Variants in IQCM observed in about 807,000 individuals in gnomAD.
IQCM encodes the protein IQ motif containing M.
In IQCM, 45 loss-of-function variants were observed where a neutral mutation model predicts 57.6. The observed-to-expected ratio is 0.78, with a 90% CI of 0.62 to 1.00. IQCM has a LOEUF of 1.00. Ranked by LOEUF, IQCM falls within the 50% of genes least tolerant of loss-of-function variation. The pLI is 0.00. For synonymous variants in IQCM, 148 were observed against 158.9 expected (o/e 0.93, Z 0.51); for missense variants, 468 against 511.6 (o/e 0.91, Z 0.82).
chr4:149,412,633 C>T (rs1733472446), intron 13 of IQCM, among the ~76,000 whole-genome samples: 1 of 152,140 alleles, frequency 6.6e-6, no homozygotes, highest in Non-Finnish European at 1.5e-5. Context: ...TCCCACCTTC[C>T]ATAGTTCAGT....
intron 5 of IQCM, among the ~76,000 whole-genome samples, chr4:149,688,102 C>G (rs1762680071): frequency 6.6e-6 from 1 of 151,840 alleles, no homozygotes; most frequent in Non-Finnish European, 1.5e-5. Flanking sequence ...CTAGCCAGAG[C>G]AATCAGACAA....
chr4:149,517,175 T>C (rs1474355574), intron 12 of IQCM, among the ~76,000 whole-genome samples: 1 of 135,868 alleles, frequency 7.4e-6, no homozygotes, highest in African/African-American at 2.7e-5. Context: ...GTAAAGGGAA[T>C]ACAGAATGGG....
At chr4:149,368,170 T>C (rs1032689823) in intron 13 of IQCM, among the ~76,000 whole-genome samples, 11 of 152,046 alleles carry the variant, frequency 7.2e-5, no homozygotes, top group African/African-American at 2.7e-4. Flanking sequence ...ACCTTTCCTG[T>C]TCCTAAATTG....
chr4:149,653,935 A>C (rs1759416956), intron 7 of IQCM, among the ~76,000 whole-genome samples: 1 of 152,180 alleles, frequency 6.6e-6, no homozygotes, highest in Admixed American at 6.6e-5. Context: ...TATAAAATCT[A>C]ATAAAAGTGG....
At position 149,553,233 on chromosome 4, in the gene IQCM, T is replaced by TC; in HGVS notation, c.1002_1003insG (p.Ile335AspfsTer5). ...CCACGTCGATATCTAACACGGTGGA[T>TC]TAGTCTGCCATACATGTTAATAACT... On this transcript the variant is annotated frameshift_variant, in exon 11 of 14. Transcript: ENST00000636793. LOFTEE classifies it high-confidence loss of function. 1 of 1,231,922 alleles carries TC rather than the reference T, an allele frequency of 8.1e-7. No homozygotes were observed. The highest frequency in any genetic ancestry group is 1.0e-6 in the Non-Finnish European group (1 of 987,772). 76.3% of individuals were successfully genotyped at this position (1,231,922 alleles called of 1,614,324 possible).
intron 2 of IQCM, among the ~76,000 whole-genome samples, chr4:149,774,784 A>AG (rs1451825810): frequency 6.6e-6 from 1 of 152,054 alleles, no homozygotes; most frequent in Admixed American, 6.5e-5. Flanking sequence ...AAAAAAAAAA[A>AG]AAATCAGGAA....
In IQCM at chr4:149,724,362, G is replaced by T. The variant is rs1445257075; in HGVS notation, c.385+8882C>A. 2.0e-5 allele frequency among the ~76,000 whole-genome samples: 3 copies of T among 151,960 alleles called. No homozygotes were observed. In the South Asian group the frequency reaches 6.2e-4, roughly 31 times the overall value. ...TGATAGATTTCTCCAGTGCCTTCTA[G>T]CTATGTAGTCATTTTAAAGCATTAT... is the stretch of plus-strand genomic sequence containing the variant. On this transcript the variant is annotated intron_variant, in intron 5 of 13. Transcript: ENST00000636793.
At chr4:149,375,424 T>C (rs1048263910) in intron 13 of IQCM, among the ~76,000 whole-genome samples, 2 of 152,118 alleles carry the variant, frequency 1.3e-5, no homozygotes, top group East Asian at 1.9e-4. Flanking sequence ...CAGAGAAGTC[T>C]AACACAAAGG....
intron 12 of IQCM, among the ~76,000 whole-genome samples, chr4:149,503,372 G>C (rs1743465689): frequency 6.6e-6 from 1 of 152,132 alleles, no homozygotes; most frequent in Admixed American, 6.6e-5. Context: ...ATACATAGCA[G>C]TGATATTTTT....
chr4:149,484,425 G>A (rs1604740), intron 12 of IQCM, among the ~76,000 whole-genome samples: 21,822 of 151,560 alleles, frequency 0.14, 1,993 homozygotes, highest in South Asian at 0.33. Flanking sequence ...GATTTTCACC[G>A]GTGGTATTAT....
At chr4:149,555,633 T>C (rs1344883326) in intron 10 of IQCM, among the ~76,000 whole-genome samples, 1 of 152,208 alleles carries the variant, frequency 6.6e-6, no homozygotes, top group Admixed American at 6.5e-5. Flanking sequence ...TGAACTTAGT[T>C]CTCTAGACTT....
intron 7 of IQCM, among the ~76,000 whole-genome samples, chr4:149,650,926 C>T (rs1295654025): frequency 6.6e-6 from 1 of 152,146 alleles, no homozygotes; most frequent in African/African-American, 2.4e-5. Flanking sequence ...TACACACCTT[C>T]TTATTTGTAA....
intron 2 of IQCM, among the ~76,000 whole-genome samples, chr4:149,805,298 A>C (rs932099931): frequency 1.3e-5 from 2 of 152,014 alleles, no homozygotes; most frequent in Non-Finnish European, 2.9e-5. Flanking sequence ...TTTTTAAATA[A>C]ATCCTTTATT....
At chr4:149,545,971 C>T (rs186671796) in intron 12 of IQCM, among the ~76,000 whole-genome samples, 18 of 152,238 alleles carry the variant, frequency 1.2e-4, no homozygotes, top group East Asian at 9.7e-4. Context: ...CTCCCCACTC[C>T]CCCGACCCCA....
At chr4:149,638,022 TA>T (rs1372499413) in intron 7 of IQCM, among the ~76,000 whole-genome samples, 1 of 152,110 alleles carries the variant, frequency 6.6e-6, no homozygotes, top group African/African-American at 2.4e-5. Context: ...AGACTGTGAG[TA>T]AATATTCACA....
chr4:149,675,646 C>T (rs986190567), intron 7 of IQCM, among the ~76,000 whole-genome samples: 1 of 151,694 alleles, frequency 6.6e-6, no homozygotes, highest in African/African-American at 2.4e-5. Context: ...TCGCAGGTAC[C>T]CTGGAAGTCC....
At chr4:149,693,302 A>G (rs1347969294) in intron 5 of IQCM, among the ~76,000 whole-genome samples, 1 of 152,196 alleles carries the variant, frequency 6.6e-6, no homozygotes, top group African/African-American at 2.4e-5. Flanking sequence ...GACCTTGGCT[A>G]TATTTAGCAC....
At chr4:149,510,000 G>A (rs1744235015) in intron 12 of IQCM, among the ~76,000 whole-genome samples, 1 of 152,040 alleles carries the variant, frequency 6.6e-6, no homozygotes, top group African/African-American at 2.4e-5. Flanking sequence ...AATCATAGAA[G>A]CAGAAAGCAT....
At chr4:149,430,529 C>G (rs1734760495) in intron 13 of IQCM, among the ~76,000 whole-genome samples, 1 of 151,910 alleles carries the variant, frequency 6.6e-6, no homozygotes, top group African/African-American at 2.4e-5. Context: ...TCCCAGGTAG[C>G]CACGGATTTG....
Sources: allele counts gnomAD v4.1 joint callset (sites outside exome capture counted in the v4.1 genomes callset), GRCh38; gene constraint gnomAD v4.1.1; transcripts MANE v1.5; gene names NCBI Gene and HGNC (gene_info 2026-07-23, HGNC 2026-07-21).